CSMD1: variants seen among roughly 807,000 people sequenced by gnomAD.
CSMD1 encodes the protein CUB and sushi domain-containing protein 1.
A neutral mutation model predicts 417.5 loss-of-function variants in CSMD1; 213 were observed. The ratio of observed to expected loss-of-function variants is 0.51; its 90% confidence interval spans 0.46 to 0.57. The LOEUF (loss-of-function observed/expected upper bound fraction) is 0.57. CSMD1 is among the 20% of genes least tolerant of loss of function. CSMD1 has a pLI of 0.00. For missense variants in CSMD1, 6,923 were observed against 4,529.7 expected (o/e 1.53, Z -15.17); for synonymous variants, 2,862 against 1,736.8 (o/e 1.65, Z -16.11).
At chr8:3,766,905 T>C (rs1257669426) in intron 5 of CSMD1, among the ~76,000 whole-genome samples, 1 of 152,170 alleles carries the variant, frequency 6.6e-6, no homozygotes, top group Non-Finnish European at 1.5e-5. Context: ...CAGACCTTGT[T>C]CAGTCAGCTG....
In CSMD1 at chr8:3,307,789, A is replaced by T; in HGVS notation, c.3856T>A (p.Ser1286Thr). 6.2e-7 allele frequency: 1 copy of T among 1,613,512 alleles called. No homozygotes were observed. Among genetic ancestry groups the T allele is most frequent in the East Asian group, 2.2e-5 (1 of 44,856 alleles). The part of the protein sequence containing the change: ...ECGGQIHAAT[S>T]GRILSPGYPA... ...TAGCCAGGGGACAATATTCGTCCTG[A>T]TGTGGCTGCATGGATCTGACCACCA... Residue 1286 changes from serine (S) to threonine (T), a missense_variant, in exon 25 of 70, where the codon TCA becomes ACA. Transcript: ENST00000635120.
At chr8:3,402,600 T>TA (rs1356057366) in intron 15 of CSMD1, among the ~76,000 whole-genome samples, 5 of 152,160 alleles carry the variant, frequency 3.3e-5, no homozygotes, top group South Asian at 2.1e-4. Context: ...CGCTTTTAAA[T>TA]AAAAAAATTG....
At chr8:4,397,503 A>T (rs1222390746) in intron 3 of CSMD1, among the ~76,000 whole-genome samples, 5 of 148,654 alleles carry the variant, frequency 3.4e-5, no homozygotes, top group African/African-American at 1.2e-4. Context: ...CCCATGAGCA[A>T]TGTCAACAAG....
chr8:4,636,859 G>A (rs561045296), intron 2 of CSMD1, among the ~76,000 whole-genome samples: 16 of 152,256 alleles, frequency 1.1e-4, no homozygotes, highest in African/African-American at 3.9e-4. Context: ...GAACTTTTCT[G>A]TCTTACAAGA....
intron 26 of CSMD1, among the ~76,000 whole-genome samples, chr8:3,276,235 C>T (rs1297499276): frequency 2.0e-5 from 3 of 152,100 alleles, no homozygotes; most frequent in Non-Finnish European, 2.9e-5. Context: ...CTCAGTTAGG[C>T]TTCTTGGGGG....
At chr8:3,423,257 T>C (rs895568926) in intron 12 of CSMD1, among the ~76,000 whole-genome samples, 5 of 152,214 alleles carry the variant, frequency 3.3e-5, no homozygotes, top group African/African-American at 1.2e-4. Context: ...TATAGTCATG[T>C]ATCCAACACC....
At chr8:2,985,932 G>GAGGGA (rs1229930372) in intron 54 of CSMD1, among the ~76,000 whole-genome samples, 2 of 140,712 alleles carry the variant, frequency 1.4e-5, no homozygotes, top group African/African-American at 2.7e-5. Flanking sequence ...AAGGGGAGGG[G>GAGGGA]AGGGAAGGGA....
At chr8:4,379,844 C>G (rs1456797163) in intron 3 of CSMD1, among the ~76,000 whole-genome samples, 2 of 152,294 alleles carry the variant, frequency 1.3e-5, no homozygotes, top group East Asian at 3.9e-4. Flanking sequence ...AAAGTGATCC[C>G]TGCTAGGAGA....
chr8:4,060,275 G>A (rs1447843795), intron 3 of CSMD1, among the ~76,000 whole-genome samples: 2 of 152,150 alleles, frequency 1.3e-5, no homozygotes, highest in East Asian at 3.9e-4. Context: ...AATAAATTAG[G>A]TATTGATGGG....
intron 3 of CSMD1, among the ~76,000 whole-genome samples, chr8:4,148,666 C>T (rs545855992): frequency 1.1e-4 from 16 of 152,060 alleles, no homozygotes; most frequent in Non-Finnish European, 1.9e-4. Flanking sequence ...GAGAGAGGAG[C>T]GTGCCCTCGT....
chr8:4,010,822 A>T (rs1464954203), intron 4 of CSMD1, among the ~76,000 whole-genome samples: 1 of 152,196 alleles, frequency 6.6e-6, no homozygotes, highest in East Asian at 1.9e-4. Context: ...CTTTGGTTCC[A>T]GTCTAGGCCA....
intron 4 of CSMD1, among the ~76,000 whole-genome samples, chr8:4,008,642 G>T (rs1468934464): frequency 8.7e-6 from 1 of 114,354 alleles, no homozygotes; most frequent in Non-Finnish European, 1.6e-5. Flanking sequence ...ACAGGGTCTC[G>T]CTCTGTCGCC....
intron 10 of CSMD1, among the ~76,000 whole-genome samples, chr8:3,524,483 G>A (rs987886653): frequency 6.8e-6 from 1 of 147,090 alleles, no homozygotes; most frequent in Non-Finnish European, 1.5e-5. Context: ...AAAGACATGT[G>A]CACACACAAG....
chr8:3,419,421 C>A (rs1314396244), intron 12 of CSMD1, among the ~76,000 whole-genome samples: 2 of 152,178 alleles, frequency 1.3e-5, no homozygotes, highest in Non-Finnish European at 1.5e-5. Flanking sequence ...ATTTACTATT[C>A]TAGAATTTCT....
At chr8:3,510,846 T>C (rs1255506814) in intron 10 of CSMD1, among the ~76,000 whole-genome samples, 2 of 151,842 alleles carry the variant, frequency 1.3e-5, no homozygotes, top group African/African-American at 4.9e-5. Flanking sequence ...CCCCACTTTT[T>C]GATGGGGTTG....
intron 1 of CSMD1, among the ~76,000 whole-genome samples, chr8:4,795,071 A>G (rs1293152039): frequency 6.6e-6 from 1 of 151,900 alleles, no homozygotes; most frequent in Non-Finnish European, 1.5e-5. Flanking sequence ...TGTCTTTAAT[A>G]TATGGAAGGT....
chr8:4,904,955 A>C lies in CSMD1; in HGVS notation c.85+89377T>G, dbSNP rs558433138. Among the ~76,000 whole-genome samples the C allele has an allele frequency of 8.5e-5, 13 of 152,324 alleles. No homozygotes were observed. The South Asian group carries it at 2.7e-3, about 32-fold the overall frequency. On this transcript the variant is annotated intron_variant, in intron 1 of 69. Coordinates refer to ENST00000635120, the MANE Select transcript of CSMD1 (RefSeq NM_033225.6). ...CAGGGCCTCTTTGGGACAAGGGACC[A>C]TGCCGCCGCTTCAACCAACATAGTA...
chr8:4,029,239 A>G (rs1797218709), intron 4 of CSMD1, among the ~76,000 whole-genome samples: 1 of 152,220 alleles, frequency 6.6e-6, no homozygotes, highest in South Asian at 2.1e-4. Context: ...AGACTGAAAA[A>G]CAGGATGAAA....
intron 5 of CSMD1, among the ~76,000 whole-genome samples, chr8:3,942,921 A>T (rs146868156): frequency 2.6e-5 from 4 of 152,104 alleles, no homozygotes; most frequent in Admixed American, 6.6e-5. Flanking sequence ...TTGTCTTTTA[A>T]TTTAAAAAAT....
Sources: gnomAD v4.1 joint callset for allele counts (sites outside exome capture counted in the v4.1 genomes callset) on GRCh38, gnomAD v4.1.1 for gene constraint, MANE v1.5 for transcripts, NCBI Gene and HGNC (gene_info 2026-07-23, HGNC 2026-07-21) for gene names.